SPTBN2: variants seen among roughly 807,000 people sequenced by gnomAD.
The protein encoded by SPTBN2 is spectrin beta, non-erythrocytic 2, also known as spectrin beta chain, non-erythrocytic 2.
A neutral mutation model predicts 284.2 loss-of-function variants in SPTBN2; 107 were observed. The ratio of observed to expected loss-of-function variants is 0.38; its 90% CI spans 0.32 to 0.44. The LOEUF (loss-of-function observed/expected upper bound fraction) is 0.44, where lower values mean the gene tolerates loss of function less well. Ranked by LOEUF, SPTBN2 falls within the 20% of genes least tolerant of loss-of-function variation. The probability of loss-of-function intolerance (pLI) is 1.00; values close to 1 mark genes in which losing one functional copy is unlikely to be tolerated. For missense variants in SPTBN2, 2,569 were observed against 3,287.1 expected (o/e 0.78, Z 5.34); for synonymous variants, 1,289 against 1,354.8 (o/e 0.95, Z 1.07).
At chr11:66,722,653 G>C (rs893371178) in intron 1 of SPTBN2, among the ~76,000 whole-genome samples, 2 of 151,402 alleles carry the variant, frequency 1.3e-5, no homozygotes, top group African/African-American at 4.9e-5. Context: ...AGCACTTTTA[G>C]GAGGCCAAGG....
Position 66,710,737 on chromosome 11 carries a change from C to T in SPTBN2, c.918G>A (p.Leu306=). 1.9e-6 allele frequency: 3 copies of T among 1,614,134 alleles called. No individual in the cohort carries two copies. The highest frequency in any genetic ancestry group is 1.1e-5 in the South Asian group (1 of 91,086). ...VLDHAMEAER[L]VEKYESLASE... is the part of the protein sequence containing the mutation. Reference sequence around the variant, plus strand: ...AGGCCAGGGACTCGTATTTCTCCACCAGGCGCTCTGCCTCCATGGCATGGT... The same window carrying T: ...AGGCCAGGGACTCGTATTTCTCCACTAGGCGCTCTGCCTCCATGGCATGGT... Residue 306 remains leucine, a synonymous_variant, in exon 10 of 38, where the codon CTG becomes CTA. Coordinates refer to ENST00000533211, the MANE Select transcript of SPTBN2 (RefSeq NM_006946.4). The surrounding 1 kb of genome is among the most constrained non-coding windows in gnomAD (Gnocchi z 4.9).
At chr11:66,686,500 T>C in intron 36 of SPTBN2, 60 bp from the exon 37 acceptor site, 1 of 1,594,652 alleles carries the variant, frequency 6.3e-7, no homozygotes. Flanking sequence ...AGGTAGCTGC[T>C]GGTGAGAGCG....
chr11:66,686,295 G>A (rs775448984), intron 37 of SPTBN2, 103 bp downstream of exon 37: 3 of 1,527,908 alleles, frequency 2.0e-6, no homozygotes, highest in Non-Finnish European at 2.7e-6. Flanking sequence ...TTACCACAAA[G>A]GACAAGACCA....
At chr11:66,686,224 G>A (rs779233112) in intron 37 of SPTBN2, 120 bp from the exon 38 acceptor site, 20 of 1,386,890 alleles carry the variant, frequency 1.4e-5, no homozygotes, top group Non-Finnish European at 1.8e-5. Flanking sequence ...ATGCTATTAG[G>A]AGAATGTGGC....
intron 1 of SPTBN2, among the ~76,000 whole-genome samples, chr11:66,741,595 C>T (rs1221712535): frequency 6.6e-6 from 1 of 152,136 alleles, no homozygotes; most frequent in Non-Finnish European, 1.5e-5. Flanking sequence ...CAGACACTGC[C>T]AATAAATGAG....
In SPTBN2 at chr11:66,683,605, C is replaced by T. The variant is rs1051297884; in HGVS notation, c.*2266G>A. ...GAATCATGCCCTGAAGTCCTGCTGC[C>T]GCATATGCAGATGCTGCTCGGGGTC... is the stretch of plus-strand genomic sequence containing the variant. On this transcript the variant is annotated 3_prime_UTR_variant, in exon 38 of 38. Transcript: ENST00000533211. Among the ~76,000 whole-genome samples, 10 of 152,226 alleles carry T rather than the reference C, an allele frequency of 6.6e-5. No homozygotes were observed. Among genetic ancestry groups the T allele is most frequent in the African/African-American group, 2.2e-4 (9 of 41,454 alleles).
chr11:66,697,521 A>G (rs944235911), intron 20 of SPTBN2, among the ~76,000 whole-genome samples: 2 of 151,254 alleles, frequency 1.3e-5, no homozygotes, highest in African/African-American at 4.9e-5. Context: ...GGACTCACTC[A>G]CCCCCTTGCT....
intron 3 of SPTBN2, among the ~76,000 whole-genome samples, chr11:66,720,331 A>G (rs1942337078): frequency 6.6e-6 from 1 of 152,204 alleles, no homozygotes; most frequent in Non-Finnish European, 1.5e-5. Flanking sequence ...GGAGGAAGCC[A>G]GACGGGGTAG....
chr11:66,699,305 G>A (rs1055982795), intron 18 of SPTBN2, 101 bp downstream of exon 18: 2 of 1,449,024 alleles, frequency 1.4e-6, no homozygotes, highest in African/African-American at 1.4e-5. Context: ...GTCAGCTCCT[G>A]CCCCATCTGT....
chr11:66,694,407 G>A (rs758686146), intron 21 of SPTBN2, 44 bp from the exon 22 acceptor site: 17 of 1,585,188 alleles, frequency 1.1e-5, no homozygotes, highest in South Asian at 5.7e-5. Flanking sequence ...CTGCATTTCC[G>A]CCTTCATGCC....
At position 66,715,402 on chromosome 11, in the gene SPTBN2, A is replaced by G. The variant is rs1942090123; in HGVS notation, c.310-7T>C. Reference sequence around the variant, plus strand: ...GGCCCTTTGTAGGCTTTGGCTGTGGAGGGACGGGGGCAAAATGGCACGGGA... The same window carrying G: ...GGCCCTTTGTAGGCTTTGGCTGTGGGGGGACGGGGGCAAAATGGCACGGGA... On this transcript the variant is annotated splice_region_variant and splice_polypyrimidine_tract_variant and intron_variant, in intron 4 of 37. Coordinates refer to ENST00000533211, the MANE Select transcript of SPTBN2 (RefSeq NM_006946.4). The surrounding 1 kb of genome is among the most constrained non-coding windows in gnomAD (Gnocchi z 5.3). 6.2e-7 allele frequency: 1 copy of G among 1,608,166 alleles called. No individual in the cohort carries two copies. Among genetic ancestry groups the G allele is most frequent in the Non-Finnish European group, 8.5e-7 (1 of 1,175,528 alleles).
In SPTBN2 at chr11:66,689,784, G is replaced by A. The variant is rs139643367; in HGVS notation, c.5949+21C>T. On this transcript the variant is annotated intron_variant, in intron 29 of 37. Coordinates refer to ENST00000533211, the MANE Select transcript of SPTBN2 (RefSeq NM_006946.4). ...CAGCACTGCACAGTGAGAATGGCCC[G>A]GCCACCCAGGCCTCACCCACCTCCT... 192 of 1,612,138 alleles carry A rather than the reference G, an allele frequency of 1.2e-4. 1 individual carries two copies. Among genetic ancestry groups the A allele is most frequent in the African/African-American group, 8.8e-4 (66 of 75,004 alleles).
rs911464136 is a variant in SPTBN2, at chr11:66,710,253, C to T, written c.1073+329G>A. ...GGAGACGGGGTTTCACCATGTTGGC[C>T]AGGCTGGTCTCAAACTCCCGACCTC... On this transcript the variant is annotated intron_variant, in intron 10 of 37. Coordinates refer to ENST00000533211, the MANE Select transcript of SPTBN2 (RefSeq NM_006946.4). This position sits in a 1 kb window ranked among gnomAD's most constrained non-coding sequence, Gnocchi z 4.9. 3.3e-5 allele frequency among the ~76,000 whole-genome samples: 5 copies of T among 151,338 alleles called. No individual in the cohort carries two copies. Among genetic ancestry groups the T allele is most frequent in the African/African-American group, 1.2e-4 (5 of 41,100 alleles).
chr11:66,701,607 G>A lies in SPTBN2; in HGVS notation c.2793C>T (p.Asn931=). The part of the protein sequence containing the change: ...ANPPGKDRIV[N]TQEQLNHRWQ... ...ACCTGTGGTTGAGCTGCTCCTGGGT[G>A]TTGACAATGCGGTCTTTGCCTGGGG... is the stretch of plus-strand genomic sequence containing the variant. Residue 931 remains asparagine (N), a synonymous_variant, in exon 16 of 38, where the codon AAC becomes AAT. Coordinates refer to ENST00000533211, the MANE Select transcript of SPTBN2 (RefSeq NM_006946.4). The A allele has an allele frequency of 6.2e-7, 1 of 1,614,088 alleles. No homozygotes were observed. Among genetic ancestry groups the A allele is most frequent in the South Asian group, 1.1e-5 (1 of 91,084 alleles).
chr11:66,720,389 G>A (rs986008540), intron 3 of SPTBN2, among the ~76,000 whole-genome samples: 2 of 152,180 alleles, frequency 1.3e-5, no homozygotes, highest in East Asian at 1.9e-4. Context: ...AGCCACTGGT[G>A]GTGTCAGGTG....
chr11:66,693,477 A>T lies in SPTBN2; in HGVS notation c.4594-31T>A. 1 of 1,587,530 alleles carries T rather than the reference A, an allele frequency of 6.3e-7. No individual in the cohort carries two copies. The highest frequency in any genetic ancestry group is 8.5e-7 in the Non-Finnish European group (1 of 1,174,828). On this transcript the variant is annotated intron_variant, in intron 23 of 37. Transcript: ENST00000533211. This position sits in a 1 kb window ranked among gnomAD's most constrained non-coding sequence, Gnocchi z 5.7. Reference sequence around the variant, plus strand: ...CATGGCCACAGAAGAGAAAATGCTGAAAGTCCTGCCCCAGCCCCACGTGCT... The same window carrying T: ...CATGGCCACAGAAGAGAAAATGCTGTAAGTCCTGCCCCAGCCCCACGTGCT...
intron 15 of SPTBN2, among the ~76,000 whole-genome samples, chr11:66,701,941 G>A (rs1941269930): frequency 6.6e-6 from 1 of 152,122 alleles, no homozygotes; most frequent in African/African-American, 2.4e-5. Context: ...GTCATCGCTA[G>A]AAATGCTCAA....
chr11:66,722,297 G>A (rs1342896411), intron 1 of SPTBN2, among the ~76,000 whole-genome samples: 1 of 152,152 alleles, frequency 6.6e-6, no homozygotes, highest in South Asian at 2.1e-4. Flanking sequence ...TAAGTTGGCT[G>A]GGCGCGGTGT....
intron 1 of SPTBN2, among the ~76,000 whole-genome samples, chr11:66,721,964 T>G (rs1942424372): frequency 6.6e-6 from 1 of 151,858 alleles, no homozygotes; most frequent in African/African-American, 2.4e-5. Flanking sequence ...GGATTATTGC[T>G]TGAACCTGGG....
Sources: allele counts gnomAD v4.1 joint callset (sites outside exome capture counted in the v4.1 genomes callset), GRCh38; gene constraint gnomAD v4.1.1; non-coding constraint Gnocchi (gnomAD v3.1); transcripts MANE v1.5; gene names NCBI Gene and HGNC (gene_info 2026-07-23, HGNC 2026-07-21).